Variants in SHPK observed in about 807,000 individuals in gnomAD.
SHPK encodes the protein sedoheptulokinase, also known as carbohydrate kinase-like protein.
SHPK carries 51 observed loss-of-function variants against 46.3 expected under a neutral mutation model. The observed-to-expected ratio is 1.10, with a 90% confidence interval of 0.88 to 1.39. SHPK has a LOEUF of 1.39. Among genes scored for constraint, SHPK ranks in the 40% most tolerant of loss-of-function variants. The pLI is 0.00. For synonymous variants in SHPK, 290 were observed against 273.9 expected (o/e 1.06, Z -0.58); for missense variants, 668 against 641.3 (o/e 1.04, Z -0.45).
At chr17:3,619,377 T>C in intron 5 of SHPK, 1 of 1,535,970 alleles carries the variant, frequency 6.5e-7, no homozygotes, top group Non-Finnish European at 9.0e-7. Flanking sequence ...CCATTCCGGG[T>C]GATGATTCAT....
At chr17:3,611,601 G>A (rs1177438619) in intron 6 of SHPK, among the ~76,000 whole-genome samples, 1 of 151,964 alleles carries the variant, frequency 6.6e-6, no homozygotes, top group Non-Finnish European at 1.5e-5. Flanking sequence ...TATCATCATG[G>A]ATGTCATTGG....
rs771404322 is a variant in SHPK at position 3,621,270 on chromosome 17, C to T, written c.790G>A (p.Val264Ile). 6.8e-6 allele frequency: 11 copies of T among 1,613,794 alleles called. No individual in the cohort carries two copies. The highest frequency in any genetic ancestry group is 9.3e-6 in the Non-Finnish European group (11 of 1,179,924). ...GVALGDLQAS[V>I]YSCMAQRTDA... ...GTCCTCTGGGCCATGCAGGAATAGACAGAGGCCTGTAAATCACCCAAGGCC... is the reference window on the plus strand; with the variant it reads ...GTCCTCTGGGCCATGCAGGAATAGATAGAGGCCTGTAAATCACCCAAGGCC... Residue 264 changes from valine to isoleucine, a missense_variant, in exon 5 of 7, where the codon GTC (valine) becomes ATC (isoleucine). By Grantham distance (29) the Val-to-Ile change is conservative. Coordinates refer to ENST00000225519, the MANE Select transcript of SHPK (RefSeq NM_013276.4).
At chr17:3,628,716 A>G (rs1227549361) in intron 2 of SHPK, among the ~76,000 whole-genome samples, 1 of 151,800 alleles carries the variant, frequency 6.6e-6, no homozygotes. Flanking sequence ...TGGAGCAATC[A>G]CAGCTCACTG....
rs1238958865 is a variant in SHPK at position 3,615,462 on chromosome 17, G to A, written c.899C>T (p.Pro300Leu). The change falls in exon 6 of 7, where the codon CCT becomes CTT. Residue 300 changes from proline to leucine, a missense_variant. Pro to Leu is a moderately conservative substitution (Grantham distance 98, BLOSUM62 -3). Coordinates refer to ENST00000225519, the MANE Select transcript of SHPK (RefSeq NM_013276.4). ...TGGGAAGTAGGCGACTGGGGCCGTA[G>A]GGTCTGGAGTCTGTGCAGGCTGGAA... Reference protein sequence around the residue: ...SGFQPAQTPDPTAPVAYFPYF... With the variant: ...SGFQPAQTPDLTAPVAYFPYF... 2.5e-6 allele frequency: 4 copies of A among 1,614,042 alleles called. No homozygotes were observed. The highest frequency in any genetic ancestry group is 3.4e-6 in the Non-Finnish European group (4 of 1,180,022).
At chr17:3,632,250 T>C (rs2075477360) in intron 1 of SHPK, among the ~76,000 whole-genome samples, 1 of 152,190 alleles carries the variant, frequency 6.6e-6, no homozygotes, top group Non-Finnish European at 1.5e-5. Context: ...CCACCGCGCC[T>C]GGCCTGCAGG....
rs144039039 is a variant in SHPK, at chr17:3,621,382, C to A, written c.678G>T (p.Leu226=). The A allele has an allele frequency of 1.8e-5, 29 of 1,613,948 alleles. No homozygotes were observed. The highest frequency in any genetic ancestry group is 2.5e-5 in the Non-Finnish European group (29 of 1,179,950). The change falls in exon 5 of 7, where the codon CTG becomes CTT. Residue 226 remains leucine, a synonymous_variant. Transcript: ENST00000225519. ...TLRSSGFPVH[L]LPDIAEPGSV... The stretch of plus-strand genomic sequence containing the variant: ...TGCCAGGCTCGGCGATGTCTGGGAG[C>A]AGGTGGACAGGAAAACCCGAGCTCC...
chr17:3,615,371 G>A lies in SHPK; in HGVS notation c.990C>T (p.Phe330=), dbSNP rs1469991800. 3 of 1,614,074 alleles carry A rather than the reference G, an allele frequency of 1.9e-6. No individual in the cohort carries two copies. In the African/African-American group the frequency reaches 4.0e-5, roughly 22 times the overall value. The change falls in exon 6 of 7, where the codon TTC becomes TTT. Residue 330 remains phenylalanine, a synonymous_variant. Coordinates refer to ENST00000225519, the MANE Select transcript of SHPK (RefSeq NM_013276.4). ...SLNGGNVLAT[F]VHMLVQWMAD... ...CCATCCACTGAACCAGCATGTGGACGAACGTGGCCAGCACATTGCCCCCGT... is the reference window on the plus strand; with the variant it reads ...CCATCCACTGAACCAGCATGTGGACAAACGTGGCCAGCACATTGCCCCCGT...
intron 4 of SHPK, 143 bp from the exon 5 acceptor site, chr17:3,621,555 C>T (rs1050232971): frequency 6.2e-5 from 40 of 649,684 alleles, no homozygotes; most frequent in Non-Finnish European, 9.9e-5. Context: ...CTTCTCTTTA[C>T]TCCTTCCCTC....
intron 1 of SHPK, among the ~76,000 whole-genome samples, chr17:3,634,001 G>A (rs1474127088): frequency 6.7e-6 from 1 of 149,118 alleles, no homozygotes; most frequent in Non-Finnish European, 1.5e-5. Context: ...CATGTGCTGT[G>A]TCCACTCAGG....
At position 3,635,240 on chromosome 17, in the gene SHPK, A is replaced by AG. The variant is rs140279702; in HGVS notation, c.168+811dup. Among the ~76,000 whole-genome samples, 283 of 140,370 alleles carry AG rather than the reference A, an allele frequency of 2.0e-3. 1 individual carries two copies. The highest frequency in any genetic ancestry group is 0.014 in the South Asian group (55 of 3,880). 92.1% of individuals were successfully genotyped at this position (140,370 alleles called of 152,430 possible). A position where few individuals can be genotyped will look rare whatever the true frequency, so the allele number is the denominator to read the frequency against. On this transcript the variant is annotated intron_variant, in intron 1 of 6. Transcript: ENST00000225519. ...AAGGAAGGAAGGAAGGAAGGAAGGA[A>AG]GGAAGGGAAGGAAGGGAAGGAGTCT...
chr17:3,631,068 C>T (rs2075468247), intron 1 of SHPK, among the ~76,000 whole-genome samples: 1 of 152,030 alleles, frequency 6.6e-6, no homozygotes, highest in Admixed American at 6.6e-5. Context: ...TCTCGCTTGC[C>T]CCTGTCAGCC....
chr17:3,635,889 A>G (rs866383759), intron 1 of SHPK, among the ~76,000 whole-genome samples, 163 bp downstream of exon 1: 1 of 152,046 alleles, frequency 6.6e-6, no homozygotes, highest in Admixed American at 6.5e-5. Flanking sequence ...GACCTAAGGG[A>G]TCATGAGCAC....
chr17:3,632,294 G>C (rs985779625), intron 1 of SHPK, among the ~76,000 whole-genome samples: 10 of 152,168 alleles, frequency 6.6e-5, no homozygotes, highest in Non-Finnish European at 4.4e-5. Context: ...AGTTTAAAGA[G>C]TCCTCCCAGC....
At chr17:3,621,439 T>A in intron 4 of SHPK, 27 bp from the exon 5 acceptor site, 3 of 1,606,574 alleles carry the variant, frequency 1.9e-6, no homozygotes, top group Non-Finnish European at 1.7e-6. Context: ...GACACCCACA[T>A]GGACCCACAG....
At chr17:3,634,666 C>A (rs2075496400) in intron 1 of SHPK, among the ~76,000 whole-genome samples, 1 of 151,994 alleles carries the variant, frequency 6.6e-6, no homozygotes, top group Non-Finnish European at 1.5e-5. Context: ...TCCTGCTCAC[C>A]CCACCAGGGT....
At chr17:3,620,085 T>G (rs1021369822) in intron 5 of SHPK, among the ~76,000 whole-genome samples, 1 of 152,234 alleles carries the variant, frequency 6.6e-6, no homozygotes, top group Non-Finnish European at 1.5e-5. Context: ...TGGCTGCTTT[T>G]GAATTCCTAC....
chr17:3,620,894 C>T (rs1291637597), intron 5 of SHPK, among the ~76,000 whole-genome samples: 3 of 152,202 alleles, frequency 2.0e-5, no homozygotes, highest in Non-Finnish European at 4.4e-5. Flanking sequence ...ACATCACTTC[C>T]AACACAGTAA....
At chr17:3,621,710 T>C (rs1391206230) in intron 4 of SHPK, among the ~76,000 whole-genome samples, 1 of 150,796 alleles carries the variant, frequency 6.6e-6, no homozygotes, top group Non-Finnish European at 1.5e-5. Context: ...TGGAGTGCAG[T>C]GGCACCATCT....
At chr17:3,621,490 C>T (rs2075401257) in intron 4 of SHPK, 78 bp from the exon 5 acceptor site, 1 of 1,350,814 alleles carries the variant, frequency 7.4e-7, no homozygotes, top group South Asian at 1.3e-5. Context: ...TTCCTTCCTC[C>T]CTTCCTTCTC....
Sources: gnomAD v4.1 joint callset for allele counts (sites outside exome capture counted in the v4.1 genomes callset) on GRCh38, gnomAD v4.1.1 for gene constraint, MANE v1.5 for transcripts, NCBI Gene and HGNC (gene_info 2026-07-23, HGNC 2026-07-21) for gene names.